The following C16orf54 variants were observed in gnomAD, a reference collection of about 807,000 sequenced individuals.
C16orf54 encodes the protein transmembrane protein C16orf54.
A neutral mutation model predicts 3.9 loss-of-function variants in C16orf54; 2 were observed. The ratio of observed to expected loss-of-function variants is 0.52; its 90% CI spans 0.21 to 1.63. The LOEUF is 1.63. Ranked by LOEUF, C16orf54 falls within the 40% of genes most tolerant of loss-of-function variation. The pLI, the probability that C16orf54 is intolerant of heterozygous loss-of-function variation, is 0.21. For synonymous variants in C16orf54, 128 were observed against 135.1 expected, an observed-to-expected ratio of 0.95 and a Z score of 0.37; for missense variants, 272 against 326.3, an observed-to-expected ratio of 0.83 and a Z score of 1.28.
chr16:29,744,387 TCCTGG>T lies in C16orf54; in HGVS notation c.560_564del (p.Ala187GlufsTer10). 6.2e-7 allele frequency: 1 copy of T among 1,607,476 alleles called. No homozygotes were observed. Among genetic ancestry groups the T allele is most frequent in the Non-Finnish European group, 8.5e-7 (1 of 1,177,796 alleles). On this transcript the variant is annotated frameshift_variant, in exon 2 of 2. Coordinates refer to ENST00000329410, the MANE Select transcript of C16orf54 (RefSeq NM_175900.4). LOFTEE classifies it high-confidence loss of function. The surrounding 1 kb of genome is among the most constrained non-coding windows in gnomAD (Gnocchi z 7.1). ...GGATCCGGGCTCCCTGGCCGCTGCC[TCCTGG>T]CCTGGGGGCTCCCAAACTGGACGCT... is the stretch of plus-strand genomic sequence containing the variant.
rs1454283525 is a variant in C16orf54, at chr16:29,744,129, C to T, written c.*148G>A. The T allele has an allele frequency of 2.6e-6, 2 of 771,240 alleles. No homozygotes were observed. The highest frequency in any genetic ancestry group is 4.3e-6 in the Non-Finnish European group (2 of 462,726). 47.8% of individuals were successfully genotyped at this position (771,240 alleles called of 1,614,324 possible). A position where few individuals can be genotyped will look rare whatever the true frequency, so the allele number is the denominator to read the frequency against. On this transcript the variant is annotated 3_prime_UTR_variant, in exon 2 of 2. Transcript: ENST00000329410. This position sits in a 1 kb window ranked among gnomAD's most constrained non-coding sequence, Gnocchi z 7.1. ...CCTAGTCCACATAGCCTGGCCACCA[C>T]CCAGACCCGGGGAGGGGGACTCCAG...
chr16:29,745,099 G>A (rs945015410), intron 1 of C16orf54, 148 bp from the exon 2 acceptor site: 14 of 823,584 alleles, frequency 1.7e-5, no homozygotes, highest in Middle Eastern at 7.8e-4. Context: ...TTGAGAGGTC[G>A]AGGCGGGAGG....
chr16:29,745,825 T>A (rs2142337900), intron 1 of C16orf54, 86 bp downstream of exon 1: 1 of 152,782 alleles, frequency 6.5e-6, no homozygotes, highest in African/African-American at 2.4e-5. Flanking sequence ...GGCTCTGGCC[T>A]GTCTCTATCT....
chr16:29,744,699 T>C lies in C16orf54; in HGVS notation c.253A>G (p.Met85Val), dbSNP rs1481957646. The change falls in exon 2 of 2, where the codon ATG (methionine) becomes GTG (valine). Residue 85 changes from methionine (M) to valine (V), a missense_variant. By Grantham distance (21) the Met-to-Val change is conservative. Coordinates refer to ENST00000329410, the MANE Select transcript of C16orf54 (RefSeq NM_175900.4). This position sits in a 1 kb window ranked among gnomAD's most constrained non-coding sequence, Gnocchi z 7.1. ...TCAGAGCGCTCTCGGGCGGTGCCCA[T>C]GGGCTCAATCCACAGCTCTCCTCCT... ...RPGGELWIEP[M>V]GTARERSEDW... The C allele has an allele frequency of 3.4e-6, 5 of 1,468,852 alleles. No individual in the cohort carries two copies. Among genetic ancestry groups the C allele is most frequent in the Non-Finnish European group, 4.5e-6 (5 of 1,111,124 alleles). The allele number at this position is 1,468,852 out of a possible 1,614,324, so 91.0% of individuals were successfully genotyped here. A position where few individuals can be genotyped will look rare whatever the true frequency, so the allele number is the denominator to read the frequency against.
rs904100773 is a variant in C16orf54, at chr16:29,745,096, G to A, written c.1-145C>T. The A allele has an allele frequency of 5.7e-6, 5 of 883,844 alleles. No individual in the cohort carries two copies. In the African/African-American group the frequency reaches 7.0e-5, roughly 12 times the overall value. 54.8% of individuals were successfully genotyped at this position (883,844 alleles called of 1,614,324 possible). A position where few individuals can be genotyped will look rare whatever the true frequency, so the allele number is the denominator to read the frequency against. ...GCCTGGAATCCCAGCACTTTGAGAGGTCGAGGCGGGAGGATCACTTGAGCC... is the reference window on the plus strand; with the variant it reads ...GCCTGGAATCCCAGCACTTTGAGAGATCGAGGCGGGAGGATCACTTGAGCC... On this transcript the variant is annotated intron_variant, in intron 1 of 1. Transcript: ENST00000329410.
In C16orf54 at chr16:29,744,367, C is replaced by T. The variant is rs756524975; in HGVS notation, c.585G>A (p.Pro195=). ...GTGGCTGGAGGCCCCACTCAGGATC[C>T]GGGCTCCCTGGCCGCTGCCTCCTGG... ...PQARRQRPGS[P]DPEWGLQPRV... The change falls in exon 2 of 2, where the codon CCG becomes CCA. Residue 195 remains proline (P), a synonymous_variant. Transcript: ENST00000329410. This position sits in a 1 kb window ranked among gnomAD's most constrained non-coding sequence, Gnocchi z 7.1. The T allele has an allele frequency of 2.5e-6, 4 of 1,612,068 alleles. No individual in the cohort carries two copies. The highest frequency in any genetic ancestry group is 2.7e-5 in the African/African-American group (2 of 74,944).
chr16:29,744,750 G>T lies in C16orf54; in HGVS notation c.202C>A (p.Arg68Ser). The T allele has an allele frequency of 6.8e-7, 1 of 1,461,400 alleles. No individual in the cohort carries two copies. The allele number at this position is 1,461,400 out of a possible 1,614,324, so 90.5% of individuals were successfully genotyped here. Residue 68 changes from arginine to serine, a missense_variant, in exon 2 of 2, where the codon CGT (arginine) becomes AGT (serine). Physicochemically the swap from Arg to Ser is moderately radical, Grantham distance 110. Transcript: ENST00000329410. The surrounding 1 kb of genome is among the most constrained non-coding windows in gnomAD (Gnocchi z 7.1). ...RRALRPDPSH[R>S]APTLVWRPGG... ...GGGCGCCACACCAGGGTGGGTGCAC[G>T]GTGGCTGGGGTCTGGGCGGAGAGCA...
In C16orf54 at chr16:29,744,882, G is replaced by A; in HGVS notation, c.70C>T (p.Pro24Ser). 1 of 1,473,650 alleles carries A rather than the reference G, an allele frequency of 6.8e-7. No homozygotes were observed. The highest frequency in any genetic ancestry group is 9.0e-7 in the Non-Finnish European group (1 of 1,116,554). 91.3% of individuals were successfully genotyped at this position (1,473,650 alleles called of 1,614,324 possible). Residue 24 changes from proline (P) to serine (S), a missense_variant, in exon 2 of 2, where the codon CCC (proline) becomes TCC (serine). By Grantham distance (74) the Pro-to-Ser change is moderately conservative (BLOSUM62 -1). Coordinates refer to ENST00000329410, the MANE Select transcript of C16orf54 (RefSeq NM_175900.4). This position sits in a 1 kb window ranked among gnomAD's most constrained non-coding sequence, Gnocchi z 7.1. ...GPPAWEAAPW[P>S]SLPCGPCIPI... ...ATGCAGGGCCCACAGGGCAGTGAGG[G>A]CCATGGGGCTGCTTCCCATGCGGGG...
chr16:29,745,886 G>T (rs998579578), intron 1 of C16orf54, 25 bp downstream of exon 1: 1 of 153,194 alleles, frequency 6.5e-6, no homozygotes, highest in Non-Finnish European at 1.5e-5. Flanking sequence ...CATCTGCAGG[G>T]GGCCTCCTGC....
Position 29,744,999 on chromosome 16 carries a change from C to T in C16orf54, c.1-48G>A, listed in dbSNP as rs749627282. ...GAGGAAGTAAATGAGGCAGAGGGGG[C>T]ACAACCAAGATGAGAGAGAGGCAGC... On this transcript the variant is annotated intron_variant, in intron 1 of 1. Coordinates refer to ENST00000329410, the MANE Select transcript of C16orf54 (RefSeq NM_175900.4). The surrounding 1 kb of genome is among the most constrained non-coding windows in gnomAD (Gnocchi z 7.1). 1.0e-5 allele frequency: 14 copies of T among 1,376,868 alleles called. No homozygotes were observed. In the Admixed American group the frequency reaches 4.2e-4, roughly 42 times the overall value. The allele number at this position is 1,376,868 out of a possible 1,614,324, so 85.3% of individuals were successfully genotyped here.
At position 29,744,805 on chromosome 16, in the gene C16orf54, G is replaced by A. The variant is rs765609481; in HGVS notation, c.147C>T (p.Thr49=). 2.0e-5 allele frequency: 29 copies of A among 1,473,056 alleles called. No homozygotes were observed. The highest frequency in any genetic ancestry group is 8.6e-5 in the Admixed American group (3 of 34,880). The allele number at this position is 1,473,056 out of a possible 1,614,324, so 91.2% of individuals were successfully genotyped here. A position where few individuals can be genotyped will look rare whatever the true frequency, so the allele number is the denominator to read the frequency against. ...ATLAALFILT[T]AVLAERLFRR... is the part of the protein sequence containing the mutation. ...GGAACAGGCGTTCAGCCAACACAGCGGTGGTGAGGATGAAGAGCGCAGCCA... is the reference window on the plus strand; with the variant it reads ...GGAACAGGCGTTCAGCCAACACAGCAGTGGTGAGGATGAAGAGCGCAGCCA... Residue 49 remains threonine, a synonymous_variant, in exon 2 of 2, where the codon ACC becomes ACT. Transcript: ENST00000329410. This position sits in a 1 kb window ranked among gnomAD's most constrained non-coding sequence, Gnocchi z 7.1.
rs1217177991 is a variant in C16orf54 at position 29,743,909 on chromosome 16, T to C, written c.*368A>G. 3.5e-6 allele frequency: 1 copy of C among 288,178 alleles called. No homozygotes were observed. The highest frequency in any genetic ancestry group is 2.3e-5 in the African/African-American group (1 of 43,870). 17.9% of individuals were successfully genotyped at this position (288,178 alleles called of 1,614,324 possible). A position where few individuals can be genotyped will look rare whatever the true frequency, so the allele number is the denominator to read the frequency against. On this transcript the variant is annotated 3_prime_UTR_variant, in exon 2 of 2. Transcript: ENST00000329410. ...GGCTGTTCAGCACCGCAGGACCCGT[T>C]CTCTTTGGTATTGGTGGCTTCGGTA...
chr16:29,744,985 T>G lies in C16orf54; in HGVS notation c.1-34A>C. 7.2e-7 allele frequency: 1 copy of G among 1,387,932 alleles called. No individual in the cohort carries two copies. Among genetic ancestry groups the G allele is most frequent in the Non-Finnish European group, 9.3e-7 (1 of 1,072,498 alleles). 86.0% of individuals were successfully genotyped at this position (1,387,932 alleles called of 1,614,324 possible). ...CACAGGGGTGAGAAGAGGAAGTAAA[T>G]GAGGCAGAGGGGGCACAACCAAGAT... On this transcript the variant is annotated intron_variant, in intron 1 of 1. Coordinates refer to ENST00000329410, the MANE Select transcript of C16orf54 (RefSeq NM_175900.4). This position sits in a 1 kb window ranked among gnomAD's most constrained non-coding sequence, Gnocchi z 7.1.
chr16:29,745,108 G>A (rs541122818), intron 1 of C16orf54, 157 bp from the exon 2 acceptor site: 983 of 768,460 alleles, frequency 1.3e-3, no homozygotes, highest in Non-Finnish European at 1.6e-3. Context: ...CGAGGCGGGA[G>A]GATCACTTGA....
Position 29,744,044 on chromosome 16 carries a change from C to T in C16orf54, c.*233G>A. 1.7e-6 allele frequency: 1 copy of T among 584,248 alleles called. No individual in the cohort carries two copies. Among genetic ancestry groups the T allele is most frequent in the East Asian group, 2.9e-5 (1 of 34,236 alleles). 36.2% of individuals were successfully genotyped at this position (584,248 alleles called of 1,614,324 possible). A position where few individuals can be genotyped will look rare whatever the true frequency, so the allele number is the denominator to read the frequency against. ...GAAGGCTTCTGGCCTGGCATTGGCT[C>T]CACCCCCAGGTCTCTGAGCCACAGC... On this transcript the variant is annotated 3_prime_UTR_variant, in exon 2 of 2. Transcript: ENST00000329410. This position sits in a 1 kb window ranked among gnomAD's most constrained non-coding sequence, Gnocchi z 7.1.
rs745775008 is a variant in C16orf54 at position 29,744,946 on chromosome 16, C to T, written c.6G>A (p.Pro2=). ...GCCCAGAGGGCGGCTCTGGAGTCAA[C>T]GGCATCTGAGAGACACAGGGGTGAG... M[P]LTPEPPSGRV... Residue 2 remains proline (P), a synonymous_variant, in exon 2 of 2, where the codon CCG becomes CCA. Transcript: ENST00000329410. This position sits in a 1 kb window ranked among gnomAD's most constrained non-coding sequence, Gnocchi z 7.1. 49 of 1,447,170 alleles carry T rather than the reference C, an allele frequency of 3.4e-5. No homozygotes were observed. Among genetic ancestry groups the T allele is most frequent in the South Asian group, 2.7e-4 (18 of 65,672 alleles). The allele number at this position is 1,447,170 out of a possible 1,614,324, so 89.6% of individuals were successfully genotyped here. A position where few individuals can be genotyped will look rare whatever the true frequency, so the allele number is the denominator to read the frequency against.
intron 1 of C16orf54, 160 bp from the exon 2 acceptor site, chr16:29,745,111 T>A: frequency 1.4e-6 from 1 of 734,198 alleles, no homozygotes. Context: ...GGCGGGAGGA[T>A]CACTTGAGCC....
rs1968113260 is a variant in C16orf54, at chr16:29,744,628, A to G, written c.324T>C (p.Pro108=). The change falls in exon 2 of 2, where the codon CCT becomes CCC. Residue 108 remains proline (P), a synonymous_variant. Transcript: ENST00000329410. The surrounding 1 kb of genome is among the most constrained non-coding windows in gnomAD (Gnocchi z 7.1). ...SAVPLLTDRA[P]EPPTQVGTLE... ...AAGTGCCCACCTGGGTGGGAGGCTC[A>G]GGGGCCCGATCTGTCAGCAGGGGGA... 2 of 1,466,930 alleles carry G rather than the reference A, an allele frequency of 1.4e-6. No homozygotes were observed. 90.9% of individuals were successfully genotyped at this position (1,466,930 alleles called of 1,614,324 possible).
chr16:29,743,948 G>A lies in C16orf54; in HGVS notation c.*329C>T, dbSNP rs1968101496. The A allele has an allele frequency of 5.2e-6, 2 of 385,182 alleles. No individual in the cohort carries two copies. Among genetic ancestry groups the A allele is most frequent in the Non-Finnish European group, 9.4e-6 (2 of 212,864 alleles). 23.9% of individuals were successfully genotyped at this position (385,182 alleles called of 1,614,324 possible). A position where few individuals can be genotyped will look rare whatever the true frequency, so the allele number is the denominator to read the frequency against. On this transcript the variant is annotated 3_prime_UTR_variant, in exon 2 of 2. Transcript: ENST00000329410. ...GTGGCTTCGGTAAACACTGAAAGAAGGTGGAGGTGGCTGGTCGATGCCATT... is the reference window on the plus strand; with the variant it reads ...GTGGCTTCGGTAAACACTGAAAGAAAGTGGAGGTGGCTGGTCGATGCCATT...
Sources: allele counts gnomAD v4.1 joint callset, GRCh38; gene constraint gnomAD v4.1.1; non-coding constraint Gnocchi (gnomAD v3.1); transcripts MANE v1.5; gene names NCBI Gene and HGNC (gene_info 2026-07-23, HGNC 2026-07-21).